Variants in KSR2 observed in about 807,000 individuals in gnomAD.
The protein encoded by KSR2 is kinase suppressor of ras 2.
KSR2 carries 25 observed loss-of-function variants against 107.8 expected under a neutral mutation model. That is an observed-to-expected ratio of 0.23 (90% CI 0.17 to 0.32). The LOEUF (loss-of-function observed/expected upper bound fraction) is 0.32. Among genes scored for constraint, KSR2 ranks in the 10% least tolerant of loss-of-function variants. KSR2 has a pLI of 1.00. For missense variants in KSR2, 887 were observed against 1,268.9 expected, an observed-to-expected ratio of 0.70 and a Z score of 4.57; for synonymous variants, 480 against 507.0, an observed-to-expected ratio of 0.95 and a Z score of 0.71.
intron 3 of KSR2, among the ~76,000 whole-genome samples, chr12:117,788,410 T>C (rs1890148156): frequency 6.6e-6 from 1 of 152,202 alleles, no homozygotes; most frequent in African/African-American, 2.4e-5. Flanking sequence ...AAAGACTGCA[T>C]GCTATAACCC....
intron 1 of KSR2, among the ~76,000 whole-genome samples, chr12:117,935,880 G>C (rs982182575): frequency 3.3e-5 from 5 of 152,120 alleles, no homozygotes; most frequent in African/African-American, 1.2e-4. Context: ...GCCTCTCTCT[G>C]AGTGCTTTTC....
At chr12:117,470,615 G>T (rs1347043504) in intron 18 of KSR2, among the ~76,000 whole-genome samples, 1 of 152,190 alleles carries the variant, frequency 6.6e-6, no homozygotes, top group Admixed American at 6.5e-5. Flanking sequence ...TTCAAAGTCA[G>T]AGGAGAAAAG....
chr12:117,688,194 A>G (rs1349572946), intron 4 of KSR2, among the ~76,000 whole-genome samples: 1 of 152,200 alleles, frequency 6.6e-6, no homozygotes, highest in Non-Finnish European at 1.5e-5. Context: ...AGCCTGGCCA[A>G]CATGGTAAAA....
chr12:117,731,416 T>TG (rs1887696419), intron 4 of KSR2, among the ~76,000 whole-genome samples: 1 of 121,948 alleles, frequency 8.2e-6, no homozygotes, highest in African/African-American at 3.5e-5. Context: ...GGGAGGGAGG[T>TG]GGGGGGCAGC....
At chr12:117,740,961 T>C (rs921106203) in intron 4 of KSR2, among the ~76,000 whole-genome samples, 1 of 152,076 alleles carries the variant, frequency 6.6e-6, no homozygotes, top group South Asian at 2.1e-4. Flanking sequence ...TCATCATCCA[T>C]CTGAGATGAA....
chr12:117,513,327 T>C (rs1445790174), intron 14 of KSR2, among the ~76,000 whole-genome samples: 1 of 152,200 alleles, frequency 6.6e-6, no homozygotes, highest in Admixed American at 6.5e-5. Context: ...TTATTTGATT[T>C]ATGGACCTAA....
At chr12:117,580,962 G>A (rs1207891323) in intron 6 of KSR2, among the ~76,000 whole-genome samples, 3 of 152,102 alleles carry the variant, frequency 2.0e-5, no homozygotes, top group African/African-American at 7.2e-5. Context: ...TGATCAAGGG[G>A]CGTGGCCAAA....
At chr12:117,638,252 A>T (rs1364111414) in intron 5 of KSR2, among the ~76,000 whole-genome samples, 1 of 152,160 alleles carries the variant, frequency 6.6e-6, no homozygotes. Flanking sequence ...TTTTGTTTTA[A>T]TGCCAAATTA....
intron 3 of KSR2, among the ~76,000 whole-genome samples, chr12:117,843,177 G>C (rs1433838830): frequency 6.6e-6 from 1 of 152,114 alleles, no homozygotes; most frequent in East Asian, 1.9e-4. Context: ...TTACAGATGA[G>C]GAAAGCAAGG....
chr12:117,501,266 T>C (rs1032439906), intron 14 of KSR2, among the ~76,000 whole-genome samples: 51 of 152,328 alleles, frequency 3.3e-4, no homozygotes, highest in African/African-American at 1.0e-3. Flanking sequence ...ATAGCAGAGT[T>C]AAGGAGTTGT....
intron 1 of KSR2, among the ~76,000 whole-genome samples, chr12:117,873,589 T>C (rs2137293524): frequency 6.6e-6 from 1 of 150,506 alleles, no homozygotes; most frequent in Middle Eastern, 3.4e-3. Flanking sequence ...GCCTCCCCGG[T>C]AGCTAGGATT....
At chr12:117,713,054 A>AATAT (rs149221506) in intron 4 of KSR2, among the ~76,000 whole-genome samples, 4 of 148,916 alleles carry the variant, frequency 2.7e-5, no homozygotes, top group South Asian at 2.1e-4. Context: ...CAAATATATA[A>AATAT]ATATATATAT....
chr12:117,570,081 C>T (rs1424191894), intron 7 of KSR2, among the ~76,000 whole-genome samples: 1 of 151,786 alleles, frequency 6.6e-6, no homozygotes, highest in African/African-American at 2.4e-5. Context: ...CGGCTCACTG[C>T]AAGCTCCGCC....
At chr12:117,553,842 C>T (rs2137330016) in intron 9 of KSR2, among the ~76,000 whole-genome samples, 1 of 150,424 alleles carries the variant, frequency 6.6e-6, no homozygotes, top group Admixed American at 6.6e-5. Flanking sequence ...CTTCCCTCCC[C>T]TCTCCTCTCT....
At chr12:117,727,801 C>G (rs538871162) in intron 4 of KSR2, among the ~76,000 whole-genome samples, 1 of 151,780 alleles carries the variant, frequency 6.6e-6, no homozygotes, top group Non-Finnish European at 1.5e-5. Flanking sequence ...TACAGCAACC[C>G]GAGGAAACAA....
At chr12:117,756,226 T>G (rs1888783862) in intron 4 of KSR2, among the ~76,000 whole-genome samples, 1 of 152,242 alleles carries the variant, frequency 6.6e-6, no homozygotes, top group Non-Finnish European at 1.5e-5. Flanking sequence ...CAGTCTTATA[T>G]TCAACGATGC....
chr12:117,959,327 C>T (rs1181073543), intron 1 of KSR2, among the ~76,000 whole-genome samples: 1 of 152,084 alleles, frequency 6.6e-6, no homozygotes, highest in Admixed American at 6.6e-5. Flanking sequence ...AACAAGGGGA[C>T]CCCCATTCTC....
chr12:117,941,764 C>T (rs1896016303), intron 1 of KSR2, among the ~76,000 whole-genome samples: 1 of 148,000 alleles, frequency 6.8e-6, no homozygotes, highest in African/African-American at 2.5e-5. Flanking sequence ...GTAGCTGGGA[C>T]TCGGGCATGT....
chr12:117,544,416 G>A lies in KSR2; in HGVS notation c.1519-4529C>T, dbSNP rs1040404803. Among the ~76,000 whole-genome samples, 6 of 152,030 alleles carry A rather than the reference G, an allele frequency of 3.9e-5. No individual in the cohort carries two copies. In the South Asian group the frequency reaches 6.2e-4, roughly 16 times the overall value. On this transcript the variant is annotated intron_variant, in intron 9 of 19. Transcript: ENST00000339824. ...GGGCAGATCACAAGGTCAGGAGTTC[G>A]AGACCAGCCTGGCCAATATAGTGAA... is the stretch of plus-strand genomic sequence containing the variant.
Sources: allele counts gnomAD v4.1 joint callset (sites outside exome capture counted in the v4.1 genomes callset), GRCh38; gene constraint gnomAD v4.1.1; transcripts MANE v1.5; gene names NCBI Gene and HGNC (gene_info 2026-07-23, HGNC 2026-07-21).